Variants in CNTNAP3 observed in about 807,000 individuals in gnomAD.
CNTNAP3 encodes contactin associated protein family member 3.
CNTNAP3 carries 36 observed loss-of-function variants against 92.1 expected under a neutral mutation model. That is an observed-to-expected ratio of 0.39 (90% CI 0.30 to 0.52). CNTNAP3 has a LOEUF of 0.52. Among genes scored for constraint, CNTNAP3 ranks in the 20% least tolerant of loss-of-function variants. CNTNAP3 has a pLI of 0.76. For synonymous variants in CNTNAP3, 232 were observed against 422.3 expected (o/e 0.55, Z 5.53); for missense variants, 534 against 1,069.6 (o/e 0.50, Z 6.98).
At position 39,080,441 on chromosome 9, in the gene CNTNAP3, C is replaced by T. The variant is rs369903238; in HGVS notation, c.3443-1521G>A. Among the ~76,000 whole-genome samples the T allele has an allele frequency of 8.0e-3, 1,088 of 135,930 alleles. 108 individuals carry two copies. The South Asian group carries it at 0.09, about 11-fold the overall frequency. 89.2% of individuals were successfully genotyped at this position (135,930 alleles called of 152,430 possible). ...CCCCAGCCACTCTGCTCCTTGGCTA[C>T]GAATCCACACTTCTCCTTGTTGTAT... On this transcript the variant is annotated intron_variant, in intron 21 of 23. Coordinates refer to ENST00000297668, the MANE Select transcript of CNTNAP3 (RefSeq NM_033655.5).
intron 9 of CNTNAP3, among the ~76,000 whole-genome samples, chr9:39,156,168 GTTTACA>G (rs897854266): frequency 1.7e-5 from 1 of 59,738 alleles, no homozygotes; most frequent in African/African-American, 8.2e-5. Context: ...TCTATTTTGG[GTTTACA>G]TACATCAGTA....
intron 10 of CNTNAP3, among the ~76,000 whole-genome samples, chr9:39,145,561 A>G (rs1821679460): frequency 7.3e-6 from 1 of 137,022 alleles, no homozygotes; most frequent in Non-Finnish European, 1.6e-5. Context: ...TGGCCTCGGG[A>G]GAGGTCCTTT....
At chr9:39,102,396 T>A in intron 17 of CNTNAP3, 101 bp downstream of exon 17, 2 of 1,542,244 alleles carry the variant, frequency 1.3e-6, no homozygotes, top group Non-Finnish European at 1.8e-6. Flanking sequence ...AAGCAGTAGT[T>A]GTTGTTGGCA....
intron 13 of CNTNAP3, among the ~76,000 whole-genome samples, chr9:39,119,320 T>C (rs945915371): frequency 1.4e-5 from 2 of 145,444 alleles, no homozygotes; most frequent in African/African-American, 5.2e-5. Context: ...TCTGCATTCA[T>C]TACCACCACC....
chr9:39,071,217 C>CAGTAATAGAGACAG lies in CNTNAP3; in HGVS notation c.*2659_*2672dup, dbSNP rs562096720. Among the ~76,000 whole-genome samples, 31 of 150,258 alleles carry CAGTAATAGAGACAG rather than the reference C, an allele frequency of 2.1e-4. No individual in the cohort carries two copies. The South Asian group carries it at 6.5e-3, about 32-fold the overall frequency. On this transcript the variant is annotated 3_prime_UTR_variant, in exon 24 of 24. Coordinates refer to ENST00000297668, the MANE Select transcript of CNTNAP3 (RefSeq NM_033655.5). ...ATGTTAAATTTACTGTGACTTTTCACAGTAATAGAGACAGAGTAATAGAGA... is the reference window on the plus strand; with the variant it reads ...ATGTTAAATTTACTGTGACTTTTCACAGTAATAGAGACAGAGTAATAGAGACAGAGTAATAGAGA...
intron 9 of CNTNAP3, among the ~76,000 whole-genome samples, chr9:39,165,005 CAACA>C (rs1822145754): frequency 7.1e-6 from 1 of 140,786 alleles, no homozygotes; most frequent in African/African-American, 2.7e-5. Context: ...GTGGCTTACA[CAACA>C]AACAGTTATT....
chr9:39,136,867 T>G (rs914391310), intron 12 of CNTNAP3, among the ~76,000 whole-genome samples: 2 of 152,100 alleles, frequency 1.3e-5, no homozygotes, highest in African/African-American at 4.8e-5. Flanking sequence ...ACCATTGCAC[T>G]CCAGCCTGGG....
chr9:39,144,148 T>C (rs1821643323), intron 11 of CNTNAP3, 92 bp downstream of exon 11: 6 of 1,401,026 alleles, frequency 4.3e-6, no homozygotes, highest in Non-Finnish European at 5.7e-6. Context: ...TGTGTTTGCA[T>C]GATTGCAAAT....
At chr9:39,140,799 C>A (rs1366945366) in intron 11 of CNTNAP3, among the ~76,000 whole-genome samples, 161 bp from the exon 12 acceptor site, 1 of 152,128 alleles carries the variant, frequency 6.6e-6, no homozygotes, top group Non-Finnish European at 1.5e-5. Context: ...AAAAAAATGA[C>A]ATTTAAAAAA....
In CNTNAP3 at chr9:39,070,664, TAC is replaced by T; in HGVS notation, c.*3224_*3225del. On this transcript the variant is annotated 3_prime_UTR_variant, in exon 24 of 24. Transcript: ENST00000297668. ...AAAAACTTAACTGCATATTTTAAAA[TAC>T]AGAGTGTAATCAGGTTGTTTGTAAC... is the stretch of plus-strand genomic sequence containing the variant. Among the ~76,000 whole-genome samples, 1 of 152,174 alleles carries T rather than the reference TAC, an allele frequency of 6.6e-6. No individual in the cohort carries two copies. Among genetic ancestry groups the T allele is most frequent in the Non-Finnish European group, 1.5e-5 (1 of 67,962 alleles).
At chr9:39,178,392 A>G in intron 4 of CNTNAP3, 32 bp from the exon 5 acceptor site, 1 of 259,432 alleles carries the variant, frequency 3.9e-6, no homozygotes, top group Non-Finnish European at 6.7e-6. Flanking sequence ...AGCAATTCTA[A>G]ATATAAATAT....
intron 20 of CNTNAP3, 100 bp from the exon 21 acceptor site, chr9:39,085,923 C>G (rs1462042596): frequency 7.3e-6 from 8 of 1,090,846 alleles, no homozygotes; most frequent in Non-Finnish European, 1.1e-5. Flanking sequence ...AAATAAATCA[C>G]TTTTAAGTAC....
intron 12 of CNTNAP3, among the ~76,000 whole-genome samples, chr9:39,134,998 G>A (rs987744092): frequency 2.6e-5 from 4 of 152,150 alleles, no homozygotes; most frequent in Non-Finnish European, 4.4e-5. Flanking sequence ...TCACAGAAAT[G>A]CCCTCAGTAC....
chr9:39,084,912 C>T (rs1459811930), intron 21 of CNTNAP3: 4 of 150,828 alleles, frequency 2.7e-5, no homozygotes, highest in Admixed American at 6.6e-5. Flanking sequence ...GATTTTTATA[C>T]CGTAAGTTAC....
chr9:39,092,785 T>G (rs1180902228), intron 18 of CNTNAP3, among the ~76,000 whole-genome samples: 1 of 134,204 alleles, frequency 7.5e-6, no homozygotes, highest in Non-Finnish European at 1.6e-5. Context: ...TTCTGAGTAA[T>G]TATCCTTTAT....
chr9:39,120,003 AAG>A (rs997205217), intron 13 of CNTNAP3, among the ~76,000 whole-genome samples: 3 of 152,220 alleles, frequency 2.0e-5, no homozygotes, highest in African/African-American at 7.2e-5. Flanking sequence ...GAATCTCAAA[AAG>A]AGAGAAGAAA....
At chr9:39,112,550 T>C (rs564406275) in intron 14 of CNTNAP3, among the ~76,000 whole-genome samples, 2 of 152,102 alleles carry the variant, frequency 1.3e-5, no homozygotes, top group South Asian at 4.1e-4. Flanking sequence ...ATTTTTAGTA[T>C]AGACGGGGTT....
chr9:39,079,130 T>C (rs1412508300), intron 21 of CNTNAP3, among the ~76,000 whole-genome samples: 1 of 152,140 alleles, frequency 6.6e-6, no homozygotes, highest in Non-Finnish European at 1.5e-5. Context: ...AGGCAGGTTT[T>C]TAACAGATTC....
chr9:39,148,858 A>G, intron 10 of CNTNAP3, among the ~76,000 whole-genome samples: 1 of 152,138 alleles, frequency 6.6e-6, no homozygotes, highest in East Asian at 1.9e-4. Flanking sequence ...AATCTGTAGC[A>G]TTTATTTATT....
Sources: gnomAD v4.1 joint callset for allele counts (sites outside exome capture counted in the v4.1 genomes callset) on GRCh38, gnomAD v4.1.1 for gene constraint, MANE v1.5 for transcripts, NCBI Gene and HGNC (gene_info 2026-07-23, HGNC 2026-07-21) for gene names.